WIPF3: variants seen among roughly 807,000 people sequenced by gnomAD.
WIPF3 encodes WAS/WASL-interacting protein family member 3.
A neutral mutation model predicts 38.9 loss-of-function variants in WIPF3; 33 were observed. That is an observed-to-expected ratio of 0.85 (90% CI 0.64 to 1.14). The LOEUF is 1.14. Ranked by LOEUF, WIPF3 falls within the 50% of genes most tolerant of loss-of-function variation. The pLI is 0.00. For synonymous variants in WIPF3, 324 were observed against 269.3 expected (o/e 1.20, Z -1.99); for missense variants, 711 against 652.5 (o/e 1.09, Z -0.98).
intron 1 of WIPF3, among the ~76,000 whole-genome samples, chr7:29,810,015 T>C (rs1248569705): frequency 2.0e-5 from 3 of 152,146 alleles, no homozygotes; most frequent in Non-Finnish European, 4.4e-5. Flanking sequence ...GTCTCAGTGC[T>C]TGAGTTTCTG....
At position 29,884,483 on chromosome 7, in the gene WIPF3, C is replaced by T. The variant is rs765733406; in HGVS notation, c.989C>T (p.Ser330Phe). 6.4e-6 allele frequency: 10 copies of T among 1,564,042 alleles called. No individual in the cohort carries two copies. Among genetic ancestry groups the T allele is most frequent in the Admixed American group, 1.9e-5 (1 of 53,756 alleles). The change falls in exon 5 of 9, where the codon TCC becomes TTC. Residue 330 changes from serine to phenylalanine, a missense_variant. Coordinates refer to ENST00000242140, the MANE Select transcript of WIPF3 (RefSeq NM_001080529.3). The stretch of plus-strand genomic sequence containing the variant: ...ACTCCACCCCCGCTACCCCCTAAAT[C>T]CCCCAGCTTCCAGGCCCCACCGCAG... ...SETPPPLPPK[S>F]PSFQAPPQKA...
intron 8 of WIPF3, among the ~76,000 whole-genome samples, chr7:29,910,004 A>T (rs1402432544): frequency 6.6e-6 from 1 of 152,116 alleles, no homozygotes; most frequent in African/African-American, 2.4e-5. Flanking sequence ...AATAAATAAG[A>T]CCTACTATTT....
At chr7:29,858,131 T>G (rs1785215564) in intron 2 of WIPF3, among the ~76,000 whole-genome samples, 1 of 152,240 alleles carries the variant, frequency 6.6e-6, no homozygotes, top group South Asian at 2.1e-4. Context: ...CAAGTATTTT[T>G]GGTTCTTAAA....
intron 5 of WIPF3, among the ~76,000 whole-genome samples, chr7:29,885,187 A>G (rs943283431): frequency 2.6e-5 from 4 of 152,238 alleles, no homozygotes; most frequent in Admixed American, 2.6e-4. Context: ...GCCAAATATT[A>G]AAAATAATTC....
intron 2 of WIPF3, among the ~76,000 whole-genome samples, chr7:29,871,924 CT>C (rs1562782347): frequency 6.6e-6 from 1 of 152,160 alleles, no homozygotes; most frequent in African/African-American, 2.4e-5. Context: ...TCTGGGCTGT[CT>C]TTTTTGAAGC....
chr7:29,847,318 G>A (rs1327864145), intron 2 of WIPF3, among the ~76,000 whole-genome samples: 3 of 152,172 alleles, frequency 2.0e-5, no homozygotes, highest in African/African-American at 2.4e-5. Flanking sequence ...TTATCCAAGT[G>A]GGAAGTCAGG....
At chr7:29,904,717 C>A (rs1410505806) in intron 8 of WIPF3, 4 of 192,360 alleles carry the variant, frequency 2.1e-5, no homozygotes, top group Non-Finnish European at 4.3e-5. Flanking sequence ...TATTCTCTCT[C>A]ATCTGTAGAA....
chr7:29,879,605 A>G lies in WIPF3; in HGVS notation c.355+465A>G, dbSNP rs570307941. Among the ~76,000 whole-genome samples, 12 of 152,348 alleles carry G rather than the reference A, an allele frequency of 7.9e-5. No individual in the cohort carries two copies. In the South Asian group the frequency reaches 2.3e-3, roughly 29 times the overall value. On this transcript the variant is annotated intron_variant, in intron 4 of 8. Coordinates refer to ENST00000242140, the MANE Select transcript of WIPF3 (RefSeq NM_001080529.3). Reference sequence around the variant, plus strand: ...TTAAACAATCATTTTTTAGCCTACAATTCTGTGGGTTAGCAGCTTAGAGTA... The same window carrying G: ...TTAAACAATCATTTTTTAGCCTACAGTTCTGTGGGTTAGCAGCTTAGAGTA...
chr7:29,904,177 C>T, intron 7 of WIPF3, 109 bp from the exon 8 acceptor site: 1 of 997,690 alleles, frequency 1.0e-6, no homozygotes, highest in Non-Finnish European at 1.5e-6. Context: ...GGGCCAGGAT[C>T]CTGAAGGTTT....
chr7:29,896,884 C>G (rs952958228), intron 7 of WIPF3, among the ~76,000 whole-genome samples: 1 of 152,156 alleles, frequency 6.6e-6, no homozygotes, highest in Non-Finnish European at 1.5e-5. Flanking sequence ...CACTGAGGCC[C>G]TTGCCCTTTG....
At chr7:29,905,860 C>T (rs1030403842) in intron 8 of WIPF3, 3 of 151,826 alleles carry the variant, frequency 2.0e-5, no homozygotes, top group Admixed American at 2.0e-4. Context: ...GGGAGCCAAA[C>T]ATTAAAGATG....
At chr7:29,831,092 A>G (rs1784712155) in intron 1 of WIPF3, among the ~76,000 whole-genome samples, 1 of 152,202 alleles carries the variant, frequency 6.6e-6, no homozygotes, top group Admixed American at 6.5e-5. Context: ...CCTATAAACA[A>G]GTGCTCCTCT....
chr7:29,911,722 A>C (rs1327488892), intron 8 of WIPF3, among the ~76,000 whole-genome samples: 2 of 152,208 alleles, frequency 1.3e-5, no homozygotes, highest in Non-Finnish European at 2.9e-5. Flanking sequence ...GGAACACTGG[A>C]TATCCCCACA....
chr7:29,806,545 G>A lies in WIPF3; in HGVS notation c.-191G>A, dbSNP rs1403541089. ...GGCCGGGGAGCGAGCCGGGCGCACCGAGCGCAGCTCGGCGGTAGCGGCGCC... is the reference window on the plus strand; with the variant it reads ...GGCCGGGGAGCGAGCCGGGCGCACCAAGCGCAGCTCGGCGGTAGCGGCGCC... On this transcript the variant is annotated 5_prime_UTR_variant, in exon 1 of 9. Transcript: ENST00000242140. 1 of 151,268 alleles carries A rather than the reference G, an allele frequency of 6.6e-6. No individual in the cohort carries two copies. Among genetic ancestry groups the A allele is most frequent in the Non-Finnish European group, 1.5e-5 (1 of 67,794 alleles). The allele number at this position is 151,268 out of a possible 1,614,324, so 9.4% of individuals were successfully genotyped here. A position where few individuals can be genotyped will look rare whatever the true frequency, so the allele number is the denominator to read the frequency against.
chr7:29,807,805 AG>A lies in WIPF3; in HGVS notation c.-58+1130del, dbSNP rs368456782. On this transcript the variant is annotated intron_variant, in intron 1 of 8. Transcript: ENST00000242140. ...TGCCTGGGGTCCTTGGCTGTAAATG[AG>A]GGCCTTGTTTGGCATGACCAGTGTG... is the stretch of plus-strand genomic sequence containing the variant. Among the ~76,000 whole-genome samples the A allele has an allele frequency of 1.4e-4, 21 of 152,280 alleles. 1 individual carries two copies. The highest frequency in any genetic ancestry group is 4.8e-4 in the African/African-American group (20 of 41,554).
At chr7:29,893,413 T>C (rs1159375415) in intron 7 of WIPF3, among the ~76,000 whole-genome samples, 7 of 151,998 alleles carry the variant, frequency 4.6e-5, no homozygotes, top group Admixed American at 4.6e-4. Context: ...AGTTTGGAGA[T>C]GGAAATATAG....
chr7:29,826,516 G>A (rs6957373), intron 1 of WIPF3, among the ~76,000 whole-genome samples: 88,713 of 151,942 alleles, frequency 0.58, 26,152 homozygotes, highest in Middle Eastern at 0.65. Flanking sequence ...TTCAGAGAGT[G>A]TATAAACATT....
At chr7:29,900,228 C>CA in intron 7 of WIPF3, among the ~76,000 whole-genome samples, 1 of 152,214 alleles carries the variant, frequency 6.6e-6, no homozygotes, top group East Asian at 1.9e-4. Flanking sequence ...TGAGCCACTG[C>CA]ACCCAGCCTG....
At chr7:29,899,104 G>C (rs1786219105) in intron 7 of WIPF3, among the ~76,000 whole-genome samples, 1 of 152,138 alleles carries the variant, frequency 6.6e-6, no homozygotes, top group South Asian at 2.1e-4. Flanking sequence ...GTGCACACTT[G>C]GTGCCACACA....
Sources: gnomAD v4.1 joint callset for allele counts (sites outside exome capture counted in the v4.1 genomes callset) on GRCh38, gnomAD v4.1.1 for gene constraint, MANE v1.5 for transcripts, NCBI Gene and HGNC (gene_info 2026-07-23, HGNC 2026-07-21) for gene names.